Variants in MAK observed in about 807,000 individuals in gnomAD.
The protein encoded by MAK is serine/threonine-protein kinase MAK.
A neutral mutation model predicts 82.6 loss-of-function variants in MAK; 65 were observed. That is an observed-to-expected ratio of 0.79 (90% CI 0.64 to 0.97). MAK has a LOEUF of 0.97. MAK is among the 50% of genes least tolerant of loss of function. The pLI, the probability that MAK is intolerant of heterozygous loss-of-function variation, is 0.00. For synonymous variants in MAK, 250 were observed against 274.2 expected (o/e 0.91, Z 0.87); for missense variants, 703 against 780.2 (o/e 0.90, Z 1.18).
intron 10 of MAK, among the ~76,000 whole-genome samples, chr6:10,790,149 T>C (rs950633432): frequency 1.2e-4 from 18 of 152,192 alleles, no homozygotes; most frequent in Non-Finnish European, 1.9e-4. Flanking sequence ...CTTTCTTGCC[T>C]AGAGTGGAAG....
chr6:10,779,496 C>T, intron 11 of MAK: 1 of 984,916 alleles, frequency 1.0e-6, no homozygotes, highest in East Asian at 1.1e-4. Context: ...TGTCATGCTG[C>T]CCTGCAATTA....
intron 2 of MAK, among the ~76,000 whole-genome samples, chr6:10,825,248 C>A (rs1461872563): frequency 6.6e-6 from 1 of 152,188 alleles, no homozygotes. Flanking sequence ...TAGAAAACAT[C>A]TGAATTTCTT....
chr6:10,812,020 C>T (rs1041665522), intron 5 of MAK, among the ~76,000 whole-genome samples: 9 of 151,784 alleles, frequency 5.9e-5, no homozygotes, highest in East Asian at 1.9e-4. Context: ...GGAAAAATGG[C>T]GAAACCTCAT....
Position 10,773,142 on chromosome 6 carries a change from A to T in MAK, c.1598-34T>A. 2.6e-6 allele frequency: 3 copies of T among 1,160,480 alleles called. No individual in the cohort carries two copies. The South Asian group carries it at 4.3e-5, about 16-fold the overall frequency. The allele number at this position is 1,160,480 out of a possible 1,614,324, so 71.9% of individuals were successfully genotyped here. A position where few individuals can be genotyped will look rare whatever the true frequency, so the allele number is the denominator to read the frequency against. The stretch of plus-strand genomic sequence containing the variant: ...AAGACAGATGGAAAGAAAGAATAAT[A>T]GTAAGGAGAATGTTATAGGAAAAGC... On this transcript the variant is annotated intron_variant, in intron 12 of 14. Coordinates refer to ENST00000354489, the MANE Select transcript of MAK (RefSeq NM_001242957.3).
At chr6:10,823,356 A>G (rs1399814511) in intron 2 of MAK, among the ~76,000 whole-genome samples, 1 of 152,194 alleles carries the variant, frequency 6.6e-6, no homozygotes, top group Non-Finnish European at 1.5e-5. Flanking sequence ...TTCCAATAGA[A>G]ACCCCCACTC....
intron 11 of MAK, among the ~76,000 whole-genome samples, chr6:10,779,789 A>ATTC (rs1490712259): frequency 6.6e-6 from 1 of 152,106 alleles, no homozygotes; most frequent in African/African-American, 2.4e-5. Flanking sequence ...GATTCAAGTG[A>ATTC]TTCTCCTGCC....
rs1438033997 is a variant in MAK, at chr6:10,767,800, A to AC, written c.1792+2310_1792+2311insG. On this transcript the variant is annotated intron_variant, in intron 14 of 14. Coordinates refer to ENST00000354489, the MANE Select transcript of MAK (RefSeq NM_001242957.3). ...AGCGAGACTTTGTCTCAAAAAAAAAAAAAAAAAAAAACAAAAACAAAAATC... is the reference window on the plus strand; with the variant it reads ...AGCGAGACTTTGTCTCAAAAAAAAAACAAAAAAAAAAACAAAAACAAAAATC... Among the ~76,000 whole-genome samples the AC allele has an allele frequency of 3.6e-4, 54 of 150,598 alleles. 1 individual carries two copies. Among genetic ancestry groups the AC allele is most frequent in the African/African-American group, 2.9e-4 (12 of 40,830 alleles).
At chr6:10,801,306 T>C (rs1775998893) in intron 8 of MAK, among the ~76,000 whole-genome samples, 1 of 152,266 alleles carries the variant, frequency 6.6e-6, no homozygotes, top group Non-Finnish European at 1.5e-5. Context: ...TATTATTGCC[T>C]TTTTATTGAA....
At chr6:10,832,133 G>T (rs1380514456) in intron 1 of MAK, among the ~76,000 whole-genome samples, 1 of 152,068 alleles carries the variant, frequency 6.6e-6, no homozygotes, top group African/African-American at 2.4e-5. Flanking sequence ...TTACAGGTGC[G>T]CACCACCACA....
At position 10,808,671 on chromosome 6, in the gene MAK, C is replaced by T. The variant is rs768252750; in HGVS notation, c.491+139G>A. On this transcript the variant is annotated intron_variant, in intron 6 of 14. Transcript: ENST00000354489. ...TCAGAATAGCAATAAACCAATCCTT[C>T]GCTTTCTTTAAAGAATATAAAATTC... 8.2e-5 allele frequency: 73 copies of T among 888,190 alleles called. 1 individual carries two copies. Among genetic ancestry groups the T allele is most frequent in the South Asian group, 5.0e-4 (35 of 70,404 alleles). 55.0% of individuals were successfully genotyped at this position (888,190 alleles called of 1,614,324 possible). A position where few individuals can be genotyped will look rare whatever the true frequency, so the allele number is the denominator to read the frequency against.
Position 10,775,356 on chromosome 6 carries a change from TG to T in MAK, c.1568del (p.Ala523GlufsTer14). 6.2e-7 allele frequency: 1 copy of T among 1,613,926 alleles called. No individual in the cohort carries two copies. The highest frequency in any genetic ancestry group is 1.1e-5 in the South Asian group (1 of 91,090). ...LFPKSLGPVG[A>X]ELAFKRSNAE... ...CATTGCTCCTTTTGAAAGCAAGTTC[TG>T]CCCCAACGGGTCCCAGTGACTTGGG... On this transcript the variant is annotated frameshift_variant, in exon 12 of 15. Coordinates refer to ENST00000354489, the MANE Select transcript of MAK (RefSeq NM_001242957.3). LOFTEE classifies it high-confidence loss of function.
At chr6:10,826,080 C>A (rs1448827040) in intron 2 of MAK, among the ~76,000 whole-genome samples, 2 of 152,162 alleles carry the variant, frequency 1.3e-5, no homozygotes, top group African/African-American at 4.8e-5. Context: ...GGCTTCACGA[C>A]TTCACCTGCT....
chr6:10,833,611 AT>A (rs1180232429), intron 1 of MAK, among the ~76,000 whole-genome samples: 1 of 47,922 alleles, frequency 2.1e-5, no homozygotes, highest in African/African-American at 7.8e-5. Flanking sequence ...TCTCAAAATA[AT>A]AATAATAATA....
intron 9 of MAK, among the ~76,000 whole-genome samples, chr6:10,794,251 G>T (rs1205740495): frequency 6.6e-6 from 1 of 152,106 alleles, no homozygotes; most frequent in Admixed American, 6.5e-5. Flanking sequence ...CCCCAGAGGT[G>T]GTTTACAAGT....
chr6:10,815,912 G>GAGTGTATATATA (rs1554184486), intron 4 of MAK, among the ~76,000 whole-genome samples: 1 of 108,322 alleles, frequency 9.2e-6, no homozygotes, highest in Non-Finnish European at 1.8e-5. Flanking sequence ...GCTTTATACA[G>GAGTGTATATATA]TATATATATA....
intron 6 of MAK, 37 bp from the exon 7 acceptor site, chr6:10,803,928 G>T: frequency 6.3e-7 from 1 of 1,589,652 alleles, no homozygotes; most frequent in Non-Finnish European, 8.6e-7. Context: ...AATTTTGATT[G>T]CAATTTCAAA....
At chr6:10,816,253 G>T (rs1777497010) in intron 4 of MAK, among the ~76,000 whole-genome samples, 1 of 151,312 alleles carries the variant, frequency 6.6e-6, no homozygotes, top group Admixed American at 6.6e-5. Flanking sequence ...TAATTTTTTT[G>T]TAGAGATGGA....
chr6:10,772,724 G>A (rs754073979), intron 13 of MAK, among the ~76,000 whole-genome samples: 3 of 151,948 alleles, frequency 2.0e-5, no homozygotes, highest in Admixed American at 6.6e-5. Context: ...AATATAGATC[G>A]CAAAATTAGA....
At chr6:10,777,881 G>A (rs934669004) in intron 11 of MAK, among the ~76,000 whole-genome samples, 56 of 151,998 alleles carry the variant, frequency 3.7e-4, no homozygotes, top group African/African-American at 1.3e-3. Context: ...CAGGTGATCC[G>A]CCTGCCTCAG....
Sources: allele counts gnomAD v4.1 joint callset (sites outside exome capture counted in the v4.1 genomes callset), GRCh38; gene constraint gnomAD v4.1.1; transcripts MANE v1.5; gene names NCBI Gene and HGNC (gene_info 2026-07-23, HGNC 2026-07-21).